The following GRAMD2B variants were observed in gnomAD, a reference collection of about 807,000 sequenced individuals.
GRAMD2B encodes the protein GRAM domain-containing protein 2B.
In GRAMD2B, 41 loss-of-function variants were observed where a neutral mutation model predicts 59.2. That is an observed-to-expected ratio of 0.69 (90% CI 0.54 to 0.90). The LOEUF is 0.90. Ranked by LOEUF, GRAMD2B falls within the 40% of genes least tolerant of loss-of-function variation. The pLI, the probability that GRAMD2B is intolerant of heterozygous loss-of-function variation, is 0.00. For missense variants in GRAMD2B, 424 were observed against 500.5 expected, an observed-to-expected ratio of 0.85 and a Z score of 1.46; for synonymous variants, 161 against 182.7, an observed-to-expected ratio of 0.88 and a Z score of 0.96.
At chr5:126,433,928 A>G (rs1761988615) in intron 1 of GRAMD2B, 1 of 152,268 alleles carries the variant, frequency 6.6e-6, no homozygotes, top group Admixed American at 6.5e-5. Flanking sequence ...GCCTGGAGCC[A>G]ATTCTTGGAA....
upstream of GRAMD2B, among the ~76,000 whole-genome samples, chr5:126,419,335 C>A (rs537860394): frequency 2.6e-3 from 388 of 151,212 alleles, no homozygotes; most frequent in African/African-American, 6.3e-3. Context: ...AGAGAGAGAG[C>A]GAGAGAGAGC....
At chr5:126,374,558 T>C (rs1472767788) in intron 1 of GRAMD2B, among the ~76,000 whole-genome samples, 1 of 152,204 alleles carries the variant, frequency 6.6e-6, no homozygotes, top group African/African-American at 2.4e-5. Flanking sequence ...AATTTGTTAG[T>C]TTATTAATTA....
At chr5:126,409,747 A>G (rs1206632732) in intron 1 of GRAMD2B, among the ~76,000 whole-genome samples, 1 of 152,070 alleles carries the variant, frequency 6.6e-6, no homozygotes, top group Non-Finnish European at 1.5e-5. Flanking sequence ...GGTGTTTTAG[A>G]CATGAAGTCC....
intron 1 of GRAMD2B, chr5:126,445,443 TC>T (rs1764030040): frequency 1.3e-5 from 2 of 152,180 alleles, no homozygotes; most frequent in African/African-American, 4.8e-5. Flanking sequence ...TCTCTAATGA[TC>T]AGTGATGTTG....
At chr5:126,413,956 G>A (rs1045449316) in intron 1 of GRAMD2B, among the ~76,000 whole-genome samples, 7 of 152,034 alleles carry the variant, frequency 4.6e-5, no homozygotes, top group African/African-American at 1.7e-4. Flanking sequence ...TGCATATTAG[G>A]ATTCTCAGAT....
intron 1 of GRAMD2B, among the ~76,000 whole-genome samples, chr5:126,383,352 C>T (rs1160801586): frequency 6.6e-6 from 1 of 152,116 alleles, no homozygotes; most frequent in East Asian, 1.9e-4. Flanking sequence ...GGAGTTGCCT[C>T]CTTGTGTAAT....
intron 1 of GRAMD2B, among the ~76,000 whole-genome samples, chr5:126,455,199 C>G (rs1000225326): frequency 6.6e-6 from 1 of 152,176 alleles, no homozygotes; most frequent in Non-Finnish European, 1.5e-5. Context: ...CTTCCACCCT[C>G]CCTTGTTCTT....
At chr5:126,368,655 G>C (rs1461990170), upstream of GRAMD2B, among the ~76,000 whole-genome samples, 1 of 152,164 alleles carries the variant, frequency 6.6e-6, no homozygotes, top group Admixed American at 6.5e-5. Context: ...GCTGGCTTCT[G>C]TCCCTCCCCC....
chr5:126,371,423 T>G (rs1479779913), exon 1 of GRAMD2B: 3 of 1,276,120 alleles, frequency 2.4e-6, no homozygotes, highest in Admixed American at 2.4e-5. Flanking sequence ...TTCCTTGACT[T>G]GCGGGTCAAT....
chr5:126,459,060 T>G (rs1268755861), intron 1 of GRAMD2B: 1 of 152,212 alleles, frequency 6.6e-6, no homozygotes, highest in Non-Finnish European at 1.5e-5. Flanking sequence ...TTGTACATAT[T>G]CATTTTAAAG....
chr5:126,360,291 C>T lies in GRAMD2B; in HGVS notation c.-41C>T. 4 of 1,549,130 alleles carry T rather than the reference C, an allele frequency of 2.6e-6. No homozygotes were observed. The South Asian group carries it at 4.8e-5, about 18-fold the overall frequency. ...GTGTAAATACAAAGTTCCTTCCCGA[C>T]ATTTCCCAGAGTTTCTTGAAGATCA... On this transcript the variant is annotated 5_prime_UTR_variant, in exon 1 of 14. Coordinates refer to the GRAMD2B transcript ENST00000513040.
chr5:126,456,902 C>G (rs1410376738), intron 1 of GRAMD2B, among the ~76,000 whole-genome samples: 1 of 152,152 alleles, frequency 6.6e-6, no homozygotes, highest in Non-Finnish European at 1.5e-5. Flanking sequence ...TATAGAAGTA[C>G]CTGGCTGAGG....
intron 1 of GRAMD2B, among the ~76,000 whole-genome samples, chr5:126,458,489 A>C (rs1766752699): frequency 6.6e-6 from 1 of 151,626 alleles, no homozygotes; most frequent in South Asian, 2.1e-4. Flanking sequence ...ATAATAAGGG[A>C]CTGGAGTAGC....
intron 1 of GRAMD2B, among the ~76,000 whole-genome samples, chr5:126,378,323 T>C (rs950212023): frequency 6.6e-6 from 1 of 152,172 alleles, no homozygotes; most frequent in Non-Finnish European, 1.5e-5. Flanking sequence ...CTATAAATTA[T>C]AAAAAAATAT....
upstream of GRAMD2B, among the ~76,000 whole-genome samples, chr5:126,368,075 C>T (rs1343336308): frequency 6.6e-6 from 1 of 152,154 alleles, no homozygotes; most frequent in Non-Finnish European, 1.5e-5. Flanking sequence ...CATTATTTCT[C>T]AATTCCCATG....
chr5:126,462,520 A>G lies in GRAMD2B; in HGVS notation c.84-2906A>G, dbSNP rs921016105. The G allele has an allele frequency of 6.5e-6, 5 of 772,298 alleles. No homozygotes were observed. The African/African-American group carries it at 9.4e-5, about 15-fold the overall frequency. The allele number at this position is 772,298 out of a possible 1,614,324, so 47.8% of individuals were successfully genotyped here. A position where few individuals can be genotyped will look rare whatever the true frequency, so the allele number is the denominator to read the frequency against. On this transcript the variant is annotated intron_variant, in intron 1 of 13. Coordinates refer to ENST00000285689, the MANE Select transcript of GRAMD2B (RefSeq NM_023927.4). ...GAGCCTGTAGCATCTTTAAGCAAAA[A>G]CCTAAGATCAAATTGACTCGTAGAT...
At chr5:126,374,824 C>T (rs918514579) in intron 1 of GRAMD2B, among the ~76,000 whole-genome samples, 8 of 152,230 alleles carry the variant, frequency 5.3e-5, no homozygotes, top group African/African-American at 1.9e-4. Flanking sequence ...TCATATATCA[C>T]TGTCTTAATT....
chr5:126,466,254 A>G (rs1308492925), intron 2 of GRAMD2B: 2 of 1,549,466 alleles, frequency 1.3e-6, no homozygotes, highest in Non-Finnish European at 1.7e-6. Context: ...TTGCTAAAAG[A>G]TTATTAACTC....
At chr5:126,419,849 G>C (rs1299290297), upstream of GRAMD2B, among the ~76,000 whole-genome samples, 3 of 152,124 alleles carry the variant, frequency 2.0e-5, no homozygotes, top group African/African-American at 7.2e-5. Flanking sequence ...CAGGTCAGGA[G>C]TTCGAGACCA....
Sources: allele counts gnomAD v4.1 joint callset (sites outside exome capture counted in the v4.1 genomes callset), GRCh38; gene constraint gnomAD v4.1.1; transcripts MANE v1.5; gene names NCBI Gene and HGNC (gene_info 2026-07-23, HGNC 2026-07-21).